Variants in GRAMD1A observed in about 807,000 individuals in gnomAD.
GRAMD1A encodes the protein protein Aster-A.
Under a neutral mutation model 92.0 loss-of-function variants are expected in GRAMD1A, and 50 were observed. That is an observed-to-expected ratio of 0.54 (90% CI 0.43 to 0.69). The LOEUF is 0.69. Ranked by LOEUF, GRAMD1A falls within the 30% of genes least tolerant of loss-of-function variation. GRAMD1A has a pLI of 0.00. For missense variants in GRAMD1A, 819 were observed against 978.9 expected (o/e 0.84, Z 2.18); for synonymous variants, 405 against 403.6 (o/e 1.00, Z -0.04).
intron 9 of GRAMD1A, 67 bp from the exon 10 acceptor site, chr19:35,014,122 G>T (rs143408756): frequency 4.0e-5 from 56 of 1,410,064 alleles, no homozygotes; most frequent in Non-Finnish European, 4.9e-5. Context: ...CTTGTGGCCA[G>T]TGTGGACTTG....
rs1196958888 is a variant in GRAMD1A at position 35,009,966 on chromosome 19, A to G, written c.319A>G (p.Ile107Val). Residue 107 changes from isoleucine to valine, a missense_variant, in exon 4 of 20, where the codon ATT becomes GTT. Around this residue, in one of 3 missense-constraint regions of GRAMD1A, gnomAD observed 144 missense variants for 220.3 expected, o/e 0.65. Transcript: ENST00000317991. ...CAAACTCCCCGAAGCAGAACGCCTC[A>G]TTGTGGGTGAGTCCCGGACCCCCAG... ...FSKLPEAERL[I>V]VDYSCALQRE... is the part of the protein sequence containing the mutation. 3 of 1,607,368 alleles carry G rather than the reference A, an allele frequency of 1.9e-6. No homozygotes were observed. Among genetic ancestry groups the G allele is most frequent in the Admixed American group, 3.3e-5 (2 of 59,988 alleles).
rs201802738 is a variant in GRAMD1A at position 35,019,560 on chromosome 19, C to T, written c.1475+27C>T. The T allele has an allele frequency of 5.7e-4, 913 of 1,609,924 alleles. 2 individuals are homozygous for T. Among genetic ancestry groups the T allele is most frequent in the Middle Eastern group, 1.3e-3 (8 of 6,056 alleles). ...TGAGTGGTGGCTGGGCCCCTCCACC[C>T]GATGCCCTGGTGGCCCCAGGGCCTC... On this transcript the variant is annotated intron_variant, in intron 13 of 19. Coordinates refer to ENST00000317991, the MANE Select transcript of GRAMD1A (RefSeq NM_020895.5).
upstream of GRAMD1A, chr19:34,999,899 CGCCA>C (rs895478460): frequency 1.8e-6 from 1 of 559,072 alleles, no homozygotes; most frequent in African/African-American, 2.0e-5. Context: ...CACCCCTTCC[CGCCA>C]GCTTCAGGCC....
intron 10 of GRAMD1A, 29 bp downstream of exon 10, chr19:35,014,416 C>T: frequency 6.3e-7 from 1 of 1,586,212 alleles, no homozygotes; most frequent in Non-Finnish European, 8.7e-7. Flanking sequence ...ATTCATTCGC[C>T]TCCGGTACTT....
At chr19:35,008,283 C>A (rs1219496380) in intron 1 of GRAMD1A, among the ~76,000 whole-genome samples, 1 of 151,414 alleles carries the variant, frequency 6.6e-6, no homozygotes, top group African/African-American at 2.4e-5. Context: ...GAGCTGAGAT[C>A]ACACCACTGC....
chr19:35,009,354 G>A (rs371572871), intron 2 of GRAMD1A, 25 bp downstream of exon 2: 16 of 1,613,592 alleles, frequency 9.9e-6, no homozygotes, highest in South Asian at 2.2e-5. Flanking sequence ...AGGTGGGGTG[G>A]GGAGAGGGCT....
At position 35,022,108 on chromosome 19, in the gene GRAMD1A, G is replaced by A; in HGVS notation, c.1841+70G>A. The A allele has an allele frequency of 2.7e-6, 3 of 1,102,566 alleles. No individual in the cohort carries two copies. In the South Asian group the frequency reaches 4.0e-5, roughly 15 times the overall value. 68.3% of individuals were successfully genotyped at this position (1,102,566 alleles called of 1,614,324 possible). On this transcript the variant is annotated intron_variant, in intron 16 of 19. Transcript: ENST00000317991. Reference sequence around the variant, plus strand: ...CTCCTGGCTGTGTGACCTTGGGCAAGTGTGTGGCCTCTTTGAGCTCTCTGC... The same window carrying A: ...CTCCTGGCTGTGTGACCTTGGGCAAATGTGTGGCCTCTTTGAGCTCTCTGC...
chr19:35,015,761 G>A (rs963062848), intron 10 of GRAMD1A, 63 bp from the exon 11 acceptor site: 59 of 1,527,458 alleles, frequency 3.9e-5, no homozygotes, highest in Non-Finnish European at 4.8e-5. Context: ...GTGGGGAGGC[G>A]TGGCCCGCAG....
chr19:35,023,178 TG>T, intron 17 of GRAMD1A, 57 bp from the exon 18 acceptor site: 3 of 1,200,980 alleles, frequency 2.5e-6, no homozygotes, highest in Non-Finnish European at 3.7e-6. Context: ...TGTAGTTGTT[TG>T]GGGGTGTTCA....
intron 1 of GRAMD1A, among the ~76,000 whole-genome samples, chr19:35,007,073 C>A (rs980164345): frequency 2.0e-5 from 3 of 152,122 alleles, no homozygotes; most frequent in African/African-American, 7.2e-5. Flanking sequence ...AGTGAGGTTC[C>A]AGGGCCAAAT....
rs200244216 is a variant in GRAMD1A, at chr19:35,014,260, G to A, written c.942G>A (p.Val314=). 589 of 1,614,024 alleles carry A rather than the reference G, an allele frequency of 3.6e-4. 4 individuals are homozygous for A. The highest frequency in any genetic ancestry group is 8.3e-5 in the Non-Finnish European group (98 of 1,180,012). The change falls in exon 10 of 20, where the codon GTG becomes GTA. Residue 314 remains valine (V), a synonymous_variant. Transcript: ENST00000317991. ...DASSSQTVTP[V]AEPPSTEPTQ... The stretch of plus-strand genomic sequence containing the variant: ...CCTCCAGCCAGACAGTGACCCCGGT[G>A]GCTGAACCCCCGAGCACAGAGCCCA...
intron 3 of GRAMD1A, 150 bp from the exon 4 acceptor site, chr19:35,009,738 T>C (rs928965704): frequency 4.5e-6 from 3 of 671,504 alleles, no homozygotes; most frequent in Non-Finnish European, 8.1e-6. Context: ...AAGAAATCTG[T>C]AAATGGCAGC....
chr19:35,005,380 G>T (rs1232339934), intron 1 of GRAMD1A, among the ~76,000 whole-genome samples: 1 of 152,024 alleles, frequency 6.6e-6, no homozygotes, highest in Non-Finnish European at 1.5e-5. Flanking sequence ...GAGGGAGGTG[G>T]GGGAGCCCTG....
chr19:35,010,851 C>T (rs927192479), intron 6 of GRAMD1A, among the ~76,000 whole-genome samples: 1 of 152,118 alleles, frequency 6.6e-6, no homozygotes, highest in Non-Finnish European at 1.5e-5. Flanking sequence ...GTAACCCTAG[C>T]ATTTTGGGGA....
rs774820064 is a variant in GRAMD1A, at chr19:35,021,556, C to T, written c.1530C>T (p.Leu510=). Residue 510 remains leucine, a synonymous_variant, in exon 14 of 20, where the codon CTC becomes CTT. Coordinates refer to ENST00000317991, the MANE Select transcript of GRAMD1A (RefSeq NM_020895.5). This position sits in a 1 kb window ranked among gnomAD's most constrained non-coding sequence, Gnocchi z 5.3. ...RKQPWSLVKS[L]IEKNSWSGIE... is the part of the protein sequence containing the mutation. ...AGCCGTGGAGCCTGGTGAAGTCGCT[C>T]ATTGAGAAGAACTCGTGGAGCGGCA... 3.7e-5 allele frequency: 59 copies of T among 1,614,056 alleles called. No homozygotes were observed. Among genetic ancestry groups the T allele is most frequent in the Non-Finnish European group, 4.7e-5 (55 of 1,180,004 alleles).
Position 35,023,434 on chromosome 19 carries a change from C to T in GRAMD1A, c.1969C>T (p.Pro657Ser). 1 of 1,593,040 alleles carries T rather than the reference C, an allele frequency of 6.3e-7. No homozygotes were observed. Among genetic ancestry groups the T allele is most frequent in the Non-Finnish European group, 8.6e-7 (1 of 1,169,006 alleles). ...GGCCTGGCATCCCCACAGCAAGTTC[C>T]CCCAGACGGCCACAGAGTGGGCCGA... ...HSLALAKGKF[P>S]QTATEWAEIL... is the part of the protein sequence containing the mutation. The change falls in exon 19 of 20, where the codon CCC (proline) becomes TCC (serine). Residue 657 changes from proline (P) to serine (S), a missense_variant. Transcript: ENST00000317991.
intron 10 of GRAMD1A, 199 bp downstream of exon 10, chr19:35,014,586 G>A (rs1421063669): frequency 3.3e-6 from 2 of 601,802 alleles, no homozygotes; most frequent in Non-Finnish European, 5.9e-6. Context: ...ACAGACTGAA[G>A]GCAGCTTGCC....
At chr19:35,018,263 C>G (rs1484368350) in intron 11 of GRAMD1A, among the ~76,000 whole-genome samples, 2 of 152,162 alleles carry the variant, frequency 1.3e-5, no homozygotes, top group African/African-American at 4.8e-5. Context: ...TCCCGAAGTG[C>G]TGGGATTACA....
intron 11 of GRAMD1A, among the ~76,000 whole-genome samples, chr19:35,018,481 T>C (rs1356762285): frequency 1.3e-5 from 2 of 152,116 alleles, no homozygotes. Context: ...ACCTCCGGCA[T>C]TGGGGATTAC....
Sources: allele counts gnomAD v4.1 joint callset (sites outside exome capture counted in the v4.1 genomes callset), GRCh38; gene constraint gnomAD v4.1.1; regional missense constraint gnomAD v4.1.1; non-coding constraint Gnocchi (gnomAD v3.1); transcripts MANE v1.5; gene names NCBI Gene and HGNC (gene_info 2026-07-23, HGNC 2026-07-21).